Variants in HCN1 observed in about 807,000 individuals in gnomAD.
HCN1 encodes hyperpolarization activated cyclic nucleotide gated potassium channel 1, also known as potassium/sodium hyperpolarization-activated cyclic nucleotide-gated channel 1.
HCN1 carries 13 observed loss-of-function variants against 78.9 expected under a neutral mutation model. The observed-to-expected ratio is 0.16, with a 90% CI of 0.11 to 0.26. The LOEUF (loss-of-function observed/expected upper bound fraction) is 0.26, where lower values mean the gene tolerates loss of function less well. Among genes scored for constraint, HCN1 ranks in the 10% least tolerant of loss-of-function variants. The pLI, the probability that HCN1 is intolerant of heterozygous loss-of-function variation, is 1.00. For missense variants in HCN1, 810 were observed against 1,154.3 expected (o/e 0.70, Z 4.32); for synonymous variants, 552 against 455.5 (o/e 1.21, Z -2.70).
At chr5:45,307,992 A>T (rs983161476) in intron 5 of HCN1, among the ~76,000 whole-genome samples, 1 of 152,084 alleles carries the variant, frequency 6.6e-6, no homozygotes, top group African/African-American at 2.4e-5. Flanking sequence ...ATTTGACCCA[A>T]TGTTGGAGGT....
At chr5:45,332,248 G>C (rs1438263078) in intron 5 of HCN1, among the ~76,000 whole-genome samples, 1 of 151,424 alleles carries the variant, frequency 6.6e-6, no homozygotes, top group African/African-American at 2.4e-5. Context: ...TTTTGGTACA[G>C]TAATGCAGAT....
intron 5 of HCN1, among the ~76,000 whole-genome samples, chr5:45,315,641 G>C (rs571562637): frequency 6.6e-6 from 1 of 152,028 alleles, no homozygotes; most frequent in Non-Finnish European, 1.5e-5. Context: ...TTTTTGAAAA[G>C]ATCAAGAAAA....
intron 2 of HCN1, among the ~76,000 whole-genome samples, chr5:45,598,597 C>A (rs191350785): frequency 6.6e-6 from 1 of 152,230 alleles, no homozygotes; most frequent in Admixed American, 6.5e-5. Context: ...AGCTTCTGCA[C>A]GGCAAAAGAG....
chr5:45,255,269 G>C lies in HCN1; in HGVS notation c.*6652C>G, dbSNP rs553992884. 2.0e-5 allele frequency: 3 copies of C among 152,228 alleles called. No homozygotes were observed. Among genetic ancestry groups the C allele is most frequent in the Admixed American group, 6.5e-5 (1 of 15,288 alleles). The allele number at this position is 152,228 out of a possible 1,614,324, so 9.4% of individuals were successfully genotyped here. A position where few individuals can be genotyped will look rare whatever the true frequency, so the allele number is the denominator to read the frequency against. On this transcript the variant is annotated 3_prime_UTR_variant, in exon 8 of 8. Transcript: ENST00000303230. ...TATTTAATGTTCTCTCGCTTTCCTT[G>C]TCTAGCCAAGATCCCATGCTATGTT...
intron 1 of HCN1, among the ~76,000 whole-genome samples, chr5:45,674,641 T>C (rs1341728475): frequency 1.3e-5 from 2 of 151,864 alleles, no homozygotes; most frequent in Non-Finnish European, 2.9e-5. Flanking sequence ...TCATTATAGA[T>C]AAATTGAAAG....
chr5:45,499,027 C>T (rs1240987808), intron 2 of HCN1, among the ~76,000 whole-genome samples: 1 of 151,282 alleles, frequency 6.6e-6, no homozygotes, highest in Admixed American at 6.6e-5. Context: ...GAGGTTACTG[C>T]TGTCTTTTTT....
At chr5:45,370,409 CAT>C (rs1438287464) in intron 4 of HCN1, among the ~76,000 whole-genome samples, 1 of 151,848 alleles carries the variant, frequency 6.6e-6, no homozygotes, top group Non-Finnish European at 1.5e-5. Context: ...GGGTCAGAAA[CAT>C]TGGGCATATA....
chr5:45,665,278 T>A (rs1580033741), intron 1 of HCN1, among the ~76,000 whole-genome samples: 2 of 125,644 alleles, frequency 1.6e-5, no homozygotes, highest in South Asian at 5.0e-4. Flanking sequence ...AAGGGGCACA[T>A]CACACTCTGG....
chr5:45,319,315 C>T, intron 5 of HCN1, among the ~76,000 whole-genome samples: 1 of 151,918 alleles, frequency 6.6e-6, no homozygotes, highest in African/African-American at 2.4e-5. Context: ...ATTCCATCAA[C>T]AGGTGATGTT....
chr5:45,340,513 C>T (rs1746554558), intron 5 of HCN1, among the ~76,000 whole-genome samples: 1 of 152,086 alleles, frequency 6.6e-6, no homozygotes, highest in Non-Finnish European at 1.5e-5. Context: ...TTACCTTTGT[C>T]TCCTTGCTAT....
At chr5:45,682,290 C>CATATATACATATATATATATATAT (rs1340648040) in intron 1 of HCN1, among the ~76,000 whole-genome samples, 2 of 52,756 alleles carry the variant, frequency 3.8e-5, no homozygotes, top group African/African-American at 1.3e-4. Flanking sequence ...TATATATATA[C>CATATATACATATATATATATATAT]ACATATATAT....
intron 2 of HCN1, among the ~76,000 whole-genome samples, chr5:45,581,759 A>T (rs1479431266): frequency 6.6e-6 from 1 of 152,130 alleles, no homozygotes; most frequent in Non-Finnish European, 1.5e-5. Flanking sequence ...TTTTCCCAGC[A>T]CCATTTATTA....
chr5:45,645,667 C>T (rs1441462936), intron 1 of HCN1, 59 bp from the exon 2 acceptor site: 51 of 1,118,878 alleles, frequency 4.6e-5, no homozygotes, highest in Non-Finnish European at 6.4e-5. Context: ...CTATCCCCCC[C>T]ATGAAAAATT....
At chr5:45,472,317 C>T (rs1427765242) in intron 2 of HCN1, among the ~76,000 whole-genome samples, 1 of 151,804 alleles carries the variant, frequency 6.6e-6, no homozygotes. Context: ...AAATTAAGCG[C>T]TTACTCCAAT....
chr5:45,502,489 T>C (rs917557260), intron 2 of HCN1, among the ~76,000 whole-genome samples: 3 of 152,268 alleles, frequency 2.0e-5, no homozygotes, highest in South Asian at 2.1e-4. Flanking sequence ...ATGATTAAAC[T>C]ATCTTGGCTA....
intron 4 of HCN1, among the ~76,000 whole-genome samples, chr5:45,365,615 T>C (rs891859335): frequency 1.4e-4 from 21 of 151,950 alleles, no homozygotes; most frequent in African/African-American, 4.8e-4. Context: ...GTTGGTTCCA[T>C]GATTTTGTCA....
At chr5:45,421,654 G>T (rs1050106687) in intron 3 of HCN1, among the ~76,000 whole-genome samples, 1 of 152,000 alleles carries the variant, frequency 6.6e-6, no homozygotes, top group Non-Finnish European at 1.5e-5. Context: ...TTAAAGTAAA[G>T]GAACTGAAAT....
At chr5:45,363,110 T>TACATATTATATATATA (rs1437602128) in intron 4 of HCN1, among the ~76,000 whole-genome samples, 1 of 142,684 alleles carries the variant, frequency 7.0e-6, no homozygotes, top group Non-Finnish European at 1.5e-5. Context: ...ATATAATATT[T>TACATATTATATATATA]ACATATTATA....
chr5:45,634,562 G>A (rs1431816030), intron 2 of HCN1, among the ~76,000 whole-genome samples: 3 of 151,694 alleles, frequency 2.0e-5, no homozygotes, highest in African/African-American at 7.3e-5. Context: ...GTGTTTATGT[G>A]AGCCTAAAAT....
Sources: gnomAD v4.1 joint callset for allele counts (sites outside exome capture counted in the v4.1 genomes callset) on GRCh38, gnomAD v4.1.1 for gene constraint, MANE v1.5 for transcripts, NCBI Gene and HGNC (gene_info 2026-07-23, HGNC 2026-07-21) for gene names.